The following RP1 variants were observed in gnomAD, a reference collection of about 807,000 sequenced individuals.
The protein encoded by RP1 is oxygen-regulated protein 1.
In RP1, 16 loss-of-function variants were observed where a neutral mutation model predicts 14.8. That is an observed-to-expected ratio of 1.08 (90% CI 0.73 to 1.65). RP1 has a LOEUF of 1.65. Among genes scored for constraint, RP1 ranks in the 40% most tolerant of loss-of-function variants. The pLI, the probability that RP1 is intolerant of heterozygous loss-of-function variation, is 0.00. For missense variants in RP1, 2,631 were observed against 2,535.0 expected, an observed-to-expected ratio of 1.04 and a Z score of -0.81; for synonymous variants, 876 against 883.6, an observed-to-expected ratio of 0.99 and a Z score of 0.15.
intron 12 of RP1, among the ~76,000 whole-genome samples, chr8:54,694,880 C>T (rs1385302159): frequency 6.6e-6 from 1 of 151,950 alleles, no homozygotes; most frequent in Non-Finnish European, 1.5e-5. Flanking sequence ...TGTGTTTGCT[C>T]TTGCTTTTCT....
intron 25 of RP1, among the ~76,000 whole-genome samples, chr8:54,846,431 G>T (rs928035284): frequency 6.6e-6 from 1 of 152,128 alleles, no homozygotes; most frequent in Non-Finnish European, 1.5e-5. Context: ...GGAAAGTATT[G>T]CGTGTGATGG....
intron 24 of RP1, among the ~76,000 whole-genome samples, chr8:54,791,661 A>G (rs1041827266): frequency 2.6e-5 from 4 of 152,104 alleles, no homozygotes; most frequent in East Asian, 1.9e-4. Flanking sequence ...TGTGAAAATG[A>G]TAAGATATTT....
chr8:54,649,153 G>A (rs1392563750), intron 4 of RP1: 2 of 1,476,904 alleles, frequency 1.4e-6, no homozygotes, highest in Admixed American at 5.3e-5. Flanking sequence ...TTTACTGTAA[G>A]TAATAAAACT....
chr8:54,839,704 A>G (rs966880552), intron 25 of RP1, among the ~76,000 whole-genome samples: 3 of 152,130 alleles, frequency 2.0e-5, no homozygotes, highest in African/African-American at 7.2e-5. Context: ...CTTATATCCC[A>G]GCTGGTACTC....
intron 1 of RP1, among the ~76,000 whole-genome samples, chr8:54,584,884 C>G (rs1417395859): frequency 6.6e-6 from 1 of 152,108 alleles, no homozygotes; most frequent in African/African-American, 2.4e-5. Flanking sequence ...TATTTTGAGC[C>G]TATGTGTGTC....
At chr8:54,642,503 A>G (rs1410511435) in intron 3 of RP1, among the ~76,000 whole-genome samples, 2 of 152,010 alleles carry the variant, frequency 1.3e-5, no homozygotes, top group African/African-American at 4.8e-5. Context: ...ATTTGGGGAT[A>G]TCTTTTTTAT....
At chr8:54,604,397 C>T (rs1017302157) in intron 1 of RP1, among the ~76,000 whole-genome samples, 5 of 152,172 alleles carry the variant, frequency 3.3e-5, no homozygotes, top group African/African-American at 9.7e-5. Context: ...CCCACTTGAT[C>T]ATGGTGGATA....
chr8:54,720,880 A>G (rs6992427), intron 16 of RP1, among the ~76,000 whole-genome samples: 3,105 of 152,332 alleles, frequency 0.02, 115 homozygotes, highest in African/African-American at 0.07. Context: ...TTCAAACCTT[A>G]AAATGTGTTT....
At chr8:54,639,117 C>T (rs946048480) in intron 3 of RP1, among the ~76,000 whole-genome samples, 3 of 152,182 alleles carry the variant, frequency 2.0e-5, no homozygotes, top group Middle Eastern at 3.2e-3. Flanking sequence ...CCCTTGGAAA[C>T]CATGGATTCA....
At position 54,624,760 on chromosome 8, in the gene RP1, C is replaced by G. The variant is rs1435141613; in HGVS notation, c.878C>G (p.Ser293Cys). 6.2e-7 allele frequency: 1 copy of G among 1,613,788 alleles called. No individual in the cohort carries two copies. The highest frequency in any genetic ancestry group is 1.3e-5 in the African/African-American group (1 of 74,900). Reference protein sequence around the residue: ...THNNDCYLDYSFVPEKYLALE... With the variant: ...THNNDCYLDYCFVPEKYLALE... ...AATAATGATTGCTACTTAGACTATT[C>G]TTTTGTTCCTGAAAAGTACTTGGCC... Residue 293 changes from serine to cysteine, a missense_variant, in exon 4 of 4, where the codon TCT becomes TGT. By Grantham distance (112) the Ser-to-Cys change is moderately radical. Coordinates refer to ENST00000220676, the MANE Select transcript of RP1 (RefSeq NM_006269.2).
At chr8:54,700,928 A>G (rs1193681576) in intron 13 of RP1, among the ~76,000 whole-genome samples, 1 of 152,146 alleles carries the variant, frequency 6.6e-6, no homozygotes, top group Non-Finnish European at 1.5e-5. Context: ...GCTGAGGTTG[A>G]TAGACTTAGT....
At chr8:54,608,473 C>G (rs190956474) in intron 1 of RP1, among the ~76,000 whole-genome samples, 9 of 151,840 alleles carry the variant, frequency 5.9e-5, no homozygotes, top group African/African-American at 2.2e-4. Flanking sequence ...ATGACTTGGC[C>G]GAAAGAATAG....
chr8:54,628,673 C>T lies in RP1; in HGVS notation c.4791C>T (p.Asp1597=). The change falls in exon 4 of 4, where the codon GAC becomes GAT. Residue 1597 remains aspartate (D), a synonymous_variant. Transcript: ENST00000220676. ...CTGATTGGTCAGACTATCGGCCTGA[C>T]AGTGACAGTGAGCAGCCATATAAAA... ...VTSDWSDYRP[D]SDSEQPYKTS... 1 of 1,614,044 alleles carries T rather than the reference C, an allele frequency of 6.2e-7. No individual in the cohort carries two copies.
chr8:54,759,126 G>A, intron 22 of RP1: 2 of 1,376,348 alleles, frequency 1.5e-6, no homozygotes, highest in East Asian at 5.2e-5. Context: ...CACTGTGGAT[G>A]ATGCTGTGTG....
At chr8:54,865,890 T>G in exon 28 of RP1, 1 of 1,228,258 alleles carries the variant, frequency 8.1e-7, no homozygotes. Flanking sequence ...AAGACAGCAG[T>G]GAAGAGGTGC....
intron 19 of RP1, among the ~76,000 whole-genome samples, chr8:54,747,543 T>A (rs1029033334): frequency 6.6e-6 from 1 of 152,264 alleles, no homozygotes; most frequent in Non-Finnish European, 1.5e-5. Flanking sequence ...GTAGTAGATG[T>A]TAAACATTTG....
rs375877155 is a variant in RP1, at chr8:54,670,671, T to TTATATATA, written c.1324-3150_1324-3143dup. 6.3e-3 allele frequency among the ~76,000 whole-genome samples: 395 copies of TTATATATA among 62,536 alleles called. 38 individuals are homozygous for TTATATATA. Among genetic ancestry groups the TTATATATA allele is most frequent in the African/African-American group, 0.019 (269 of 14,516 alleles). 41.0% of individuals were successfully genotyped at this position (62,536 alleles called of 152,430 possible). On this transcript the variant is annotated intron_variant, in intron 7 of 22. Coordinates refer to the RP1 transcript ENST00000636932. ...ATATTTATGAATAATATATATGTTT[T>TTATATATA]TATATATATATATATATATATATAT...
chr8:54,637,475 T>C (rs1806373337), intron 3 of RP1, among the ~76,000 whole-genome samples: 1 of 152,252 alleles, frequency 6.6e-6, no homozygotes, highest in Non-Finnish European at 1.5e-5. Flanking sequence ...TTATAACTAG[T>C]TTTAATCAGA....
intron 24 of RP1, among the ~76,000 whole-genome samples, chr8:54,821,444 T>G (rs532528906): frequency 6.6e-6 from 1 of 152,328 alleles, no homozygotes; most frequent in South Asian, 2.1e-4. Context: ...TAGGCTTATG[T>G]TATCTAAAAT....
Sources: allele counts gnomAD v4.1 joint callset (sites outside exome capture counted in the v4.1 genomes callset), GRCh38; gene constraint gnomAD v4.1.1; transcripts MANE v1.5; gene names NCBI Gene and HGNC (gene_info 2026-07-23, HGNC 2026-07-21).